SGMS1: variants seen among roughly 807,000 people sequenced by gnomAD.
The protein encoded by SGMS1 is phosphatidylcholine:ceramide cholinephosphotransferase 1.
SGMS1 carries 13 observed loss-of-function variants against 46.2 expected under a neutral mutation model. The observed-to-expected ratio is 0.28, with a 90% confidence interval of 0.18 to 0.45. The LOEUF (loss-of-function observed/expected upper bound fraction) is 0.45. SGMS1 is among the 20% of genes least tolerant of loss of function. The pLI, the probability that SGMS1 is intolerant of heterozygous loss-of-function variation, is 1.00. For synonymous variants in SGMS1, 203 were observed against 187.8 expected (o/e 1.08, Z -0.66); for missense variants, 324 against 519.9 (o/e 0.62, Z 3.66).
chr10:50,370,121 G>T (rs527809823), intron 6 of SGMS1, among the ~76,000 whole-genome samples: 2 of 152,318 alleles, frequency 1.3e-5, no homozygotes, highest in East Asian at 3.9e-4. Flanking sequence ...GGGTGAGTCA[G>T]TGAGTAAAGT....
At chr10:50,421,027 A>G (rs1364809923) in intron 6 of SGMS1, among the ~76,000 whole-genome samples, 1 of 152,266 alleles carries the variant, frequency 6.6e-6, no homozygotes, top group African/African-American at 2.4e-5. Context: ...TTCAGAAATA[A>G]GAACAACACA....
chr10:50,539,973 T>C (rs974016395), intron 2 of SGMS1, among the ~76,000 whole-genome samples: 2 of 152,102 alleles, frequency 1.3e-5, no homozygotes. Context: ...AAACAGAAAA[T>C]GATTATTTAT....
intron 1 of SGMS1, among the ~76,000 whole-genome samples, chr10:50,613,577 C>T (rs1206026413): frequency 6.6e-6 from 1 of 152,172 alleles, no homozygotes; most frequent in Non-Finnish European, 1.5e-5. Context: ...TGCCCTGCCA[C>T]ATTCCCTCAC....
chr10:50,358,665 C>T (rs939513531), intron 6 of SGMS1, among the ~76,000 whole-genome samples: 4 of 152,154 alleles, frequency 2.6e-5, no homozygotes, highest in African/African-American at 7.2e-5. Context: ...CTCCAGCCTC[C>T]AGCCTGAGCA....
intron 6 of SGMS1, among the ~76,000 whole-genome samples, chr10:50,404,910 G>A (rs1328013271): frequency 6.6e-6 from 1 of 152,142 alleles, no homozygotes; most frequent in Admixed American, 6.5e-5. Flanking sequence ...ATCTGTATGT[G>A]TTGACAGGAA....
chr10:50,601,107 G>A (rs1838646020), intron 1 of SGMS1, among the ~76,000 whole-genome samples: 1 of 152,168 alleles, frequency 6.6e-6, no homozygotes. Flanking sequence ...ATGAAGAAGG[G>A]CAGAAAATGG....
At position 50,422,413 on chromosome 10, in the gene SGMS1, G is replaced by A. The variant is rs1849269215; in HGVS notation, c.-232+11063C>T. Among the ~76,000 whole-genome samples the A allele has an allele frequency of 5.3e-5, 8 of 152,102 alleles. No homozygotes were observed. In the South Asian group the frequency reaches 1.5e-3, roughly 28 times the overall value. ...CAAGCAGAACCCAAGCAGCAGATGC[G>A]TTTCTGTGCTCTTTGTGGCATGTTC... is the stretch of plus-strand genomic sequence containing the variant. On this transcript the variant is annotated intron_variant, in intron 6 of 10. Transcript: ENST00000361781.
At chr10:50,533,250 C>T (rs769062800) in intron 2 of SGMS1, among the ~76,000 whole-genome samples, 30 of 152,072 alleles carry the variant, frequency 2.0e-4, no homozygotes, top group Non-Finnish European at 4.0e-4. Context: ...AGCTTTTTCC[C>T]CAAGAAATTC....
At chr10:50,395,171 A>G (rs146960671) in intron 6 of SGMS1, among the ~76,000 whole-genome samples, 15 of 152,066 alleles carry the variant, frequency 9.9e-5, no homozygotes, top group African/African-American at 3.1e-4. Flanking sequence ...CCTCCCCAAG[A>G]AAAAAAACAC....
chr10:50,364,858 T>C (rs1179682445), intron 6 of SGMS1, among the ~76,000 whole-genome samples: 1 of 152,168 alleles, frequency 6.6e-6, no homozygotes, highest in African/African-American at 2.4e-5. Flanking sequence ...TTACAAATTC[T>C]TGATCAGATA....
intron 6 of SGMS1, among the ~76,000 whole-genome samples, chr10:50,357,130 C>T (rs1485401204): frequency 2.6e-5 from 4 of 151,256 alleles, no homozygotes; most frequent in South Asian, 2.1e-4. Context: ...CTAAGCTTAC[C>T]GGGATTTTAT....
At chr10:50,380,722 T>C (rs558116985) in intron 6 of SGMS1, among the ~76,000 whole-genome samples, 1 of 152,206 alleles carries the variant, frequency 6.6e-6, no homozygotes, top group Non-Finnish European at 1.5e-5. Flanking sequence ...TACCTCTTCA[T>C]ACCACCTATA....
At chr10:50,470,184 G>A (rs1353035711) in intron 3 of SGMS1, among the ~76,000 whole-genome samples, 7 of 152,070 alleles carry the variant, frequency 4.6e-5, no homozygotes, top group African/African-American at 1.7e-4. Flanking sequence ...TGTGTAATAA[G>A]AAATAAATAA....
chr10:50,409,520 C>G (rs933549853), intron 6 of SGMS1, among the ~76,000 whole-genome samples: 1 of 152,224 alleles, frequency 6.6e-6, no homozygotes, highest in South Asian at 2.1e-4. Context: ...ACTACTGAAA[C>G]TGTGACAGAC....
intron 1 of SGMS1, among the ~76,000 whole-genome samples, chr10:50,619,719 G>T (rs571627231): frequency 3.2e-4 from 49 of 152,320 alleles, no homozygotes; most frequent in Admixed American, 9.1e-4. Flanking sequence ...TATAATGGTT[G>T]CTTCAGTTAA....
chr10:50,373,051 T>C (rs1465186194), intron 6 of SGMS1, among the ~76,000 whole-genome samples: 1 of 152,210 alleles, frequency 6.6e-6, no homozygotes, highest in East Asian at 1.9e-4. Flanking sequence ...AAATTTAGCC[T>C]TCATTCTTTT....
In SGMS1 at chr10:50,307,854, A is replaced by T; in HGVS notation, c.1062+128T>A. The T allele has an allele frequency of 1.2e-6, 1 of 835,972 alleles. No individual in the cohort carries two copies. Among genetic ancestry groups the T allele is most frequent in the Non-Finnish European group, 1.9e-6 (1 of 527,966 alleles). 51.8% of individuals were successfully genotyped at this position (835,972 alleles called of 1,614,324 possible). On this transcript the variant is annotated intron_variant, in intron 10 of 10. Coordinates refer to ENST00000361781, the MANE Select transcript of SGMS1 (RefSeq NM_147156.4). This position sits in a 1 kb window ranked among gnomAD's most constrained non-coding sequence, Gnocchi z 4.2. ...AGAATCAATGTCACAAAAAAACAATACAATCTTAGTTGATTACTACTTAAG... is the reference window on the plus strand; with the variant it reads ...AGAATCAATGTCACAAAAAAACAATTCAATCTTAGTTGATTACTACTTAAG...
intron 6 of SGMS1, among the ~76,000 whole-genome samples, chr10:50,370,104 T>A (rs2133441684): frequency 6.6e-6 from 1 of 152,256 alleles, no homozygotes; most frequent in East Asian, 1.9e-4. Flanking sequence ...GGACTGGAAG[T>A]TGCTCTGGGT....
intron 3 of SGMS1, among the ~76,000 whole-genome samples, chr10:50,495,115 G>A (rs920278013): frequency 2.0e-5 from 3 of 148,940 alleles, no homozygotes; most frequent in Non-Finnish European, 4.5e-5. Context: ...GCAGGCGCCT[G>A]TAGTCCCAGC....
Sources: gnomAD v4.1 joint callset for allele counts (sites outside exome capture counted in the v4.1 genomes callset) on GRCh38, gnomAD v4.1.1 for gene constraint, Gnocchi (gnomAD v3.1) non-coding constraint, MANE v1.5 for transcripts, NCBI Gene and HGNC (gene_info 2026-07-23, HGNC 2026-07-21) for gene names.